NOS1AP: variants seen among roughly 807,000 people sequenced by gnomAD.
NOS1AP encodes the protein carboxyl-terminal PDZ ligand of neuronal nitric oxide synthase protein.
Under a neutral mutation model 56.2 loss-of-function variants are expected in NOS1AP, and 21 were observed. The observed-to-expected ratio is 0.37, with a 90% CI of 0.26 to 0.54. The LOEUF (loss-of-function observed/expected upper bound fraction) is 0.54, where lower values mean the gene tolerates loss of function less well. Among genes scored for constraint, NOS1AP ranks in the 20% least tolerant of loss-of-function variants. NOS1AP has a pLI of 0.84. For synonymous variants in NOS1AP, 270 were observed against 274.6 expected (o/e 0.98, Z 0.17); for missense variants, 522 against 657.8 (o/e 0.79, Z 2.26).
chr1:162,155,968 C>T (rs905746719), intron 2 of NOS1AP, among the ~76,000 whole-genome samples: 2 of 152,126 alleles, frequency 1.3e-5, no homozygotes, highest in African/African-American at 4.8e-5. Context: ...CTTCATTTTG[C>T]TTTGTTAATT....
chr1:162,179,703 T>C (rs553754873), intron 2 of NOS1AP, among the ~76,000 whole-genome samples: 1 of 152,296 alleles, frequency 6.6e-6, no homozygotes, highest in African/African-American at 2.4e-5. Context: ...AGGGAAATCC[T>C]GGACCTAGAG....
At position 162,160,664 on chromosome 1, in the gene NOS1AP, G is replaced by GC. The variant is rs1180141566; in HGVS notation, c.177+6194dup. On this transcript the variant is annotated intron_variant, in intron 2 of 9. Transcript: ENST00000361897. The stretch of plus-strand genomic sequence containing the variant: ...CTTTTTATAACTTTCTCCCTAAGTG[G>GC]CCCCCCTCAGCACCATTTACTCCTT... Among the ~76,000 whole-genome samples, 4 of 151,960 alleles carry GC rather than the reference G, an allele frequency of 2.6e-5. No individual in the cohort carries two copies. In the East Asian group the frequency reaches 7.7e-4, roughly 29 times the overall value.
intron 1 of NOS1AP, among the ~76,000 whole-genome samples, chr1:162,081,769 T>TAG (rs1558090605): frequency 5.0e-4 from 20 of 39,644 alleles, no homozygotes; most frequent in Non-Finnish European, 1.0e-3. Flanking sequence ...TATATATATA[T>TAG]ATATATTTTT....
At chr1:162,122,285 C>T (rs939207778) in intron 1 of NOS1AP, among the ~76,000 whole-genome samples, 1 of 152,154 alleles carries the variant, frequency 6.6e-6, no homozygotes, top group Non-Finnish European at 1.5e-5. Context: ...GTGAAATAAA[C>T]TCTTTGGTGG....
intron 3 of NOS1AP, among the ~76,000 whole-genome samples, chr1:162,295,916 G>A (rs371171137): frequency 3.9e-5 from 6 of 152,250 alleles, no homozygotes; most frequent in East Asian, 3.9e-4. Flanking sequence ...AAAGAGGTGC[G>A]GTGGGGGAGG....
At chr1:162,172,697 GT>G (rs538742170) in intron 2 of NOS1AP, among the ~76,000 whole-genome samples, 12 of 151,922 alleles carry the variant, frequency 7.9e-5, no homozygotes, top group Non-Finnish European at 1.6e-4. Flanking sequence ...GTGAGGAAAG[GT>G]TTTTTTTGTT....
At chr1:162,249,183 G>A (rs557891533) in intron 2 of NOS1AP, among the ~76,000 whole-genome samples, 8 of 152,274 alleles carry the variant, frequency 5.3e-5, no homozygotes, top group Middle Eastern at 3.4e-3. Context: ...ACCAAAGGTG[G>A]GGGATGGTGG....
At chr1:162,219,755 A>G (rs1652708799) in intron 2 of NOS1AP, among the ~76,000 whole-genome samples, 1 of 152,180 alleles carries the variant, frequency 6.6e-6, no homozygotes, top group Non-Finnish European at 1.5e-5. Context: ...TTTAGGCTTT[A>G]TTCTGCAATT....
intron 8 of NOS1AP, among the ~76,000 whole-genome samples, chr1:162,362,390 G>A (rs1283219035): frequency 2.0e-5 from 3 of 150,212 alleles, no homozygotes. Context: ...GGGAGAGGTT[G>A]CAGTGAGCTG....
At chr1:162,252,852 A>C (rs1440038121) in intron 2 of NOS1AP, among the ~76,000 whole-genome samples, 3 of 152,214 alleles carry the variant, frequency 2.0e-5, no homozygotes, top group Non-Finnish European at 4.4e-5. Flanking sequence ...GCCCCATTTC[A>C]AGTGCCCAGA....
At chr1:162,304,122 G>A (rs146337390) in intron 4 of NOS1AP, among the ~76,000 whole-genome samples, 129 of 152,180 alleles carry the variant, frequency 8.5e-4, no homozygotes, top group Admixed American at 1.4e-3. Context: ...TATAATCCAA[G>A]TTGATTCAAT....
chr1:162,086,888 G>T (rs1331398012), intron 1 of NOS1AP, among the ~76,000 whole-genome samples: 4 of 152,102 alleles, frequency 2.6e-5, no homozygotes, highest in Non-Finnish European at 5.9e-5. Context: ...CTTTGTAGTT[G>T]TAGGCATAGG....
chr1:162,240,008 C>T (rs1653434413), intron 2 of NOS1AP, among the ~76,000 whole-genome samples: 1 of 152,208 alleles, frequency 6.6e-6, no homozygotes, highest in South Asian at 2.1e-4. Context: ...TCCAGGCTTC[C>T]CAGTGCCTGG....
chr1:162,098,511 T>TTC (rs1692302086), intron 1 of NOS1AP, among the ~76,000 whole-genome samples: 2 of 150,732 alleles, frequency 1.3e-5, no homozygotes, highest in African/African-American at 2.4e-5. Context: ...TTTTTTTCTC[T>TTC]AACTTTTATT....
intron 6 of NOS1AP, among the ~76,000 whole-genome samples, chr1:162,346,588 A>T (rs1657303729): frequency 1.3e-5 from 2 of 152,248 alleles, no homozygotes; most frequent in African/African-American, 4.8e-5. Flanking sequence ...TCTCCAGAAT[A>T]GTACACAAGA....
chr1:162,253,731 A>G (rs1353488085), intron 2 of NOS1AP, among the ~76,000 whole-genome samples: 1 of 152,248 alleles, frequency 6.6e-6, no homozygotes, highest in Non-Finnish European at 1.5e-5. Flanking sequence ...AGTTTTTTCA[A>G]CATAAGCAGA....
At chr1:162,256,828 T>C (rs918623184) in intron 2 of NOS1AP, among the ~76,000 whole-genome samples, 1 of 152,206 alleles carries the variant, frequency 6.6e-6, no homozygotes, top group Non-Finnish European at 1.5e-5. Flanking sequence ...TTTTTGTTTA[T>C]TTCTGGTCAT....
chr1:162,147,048 G>A lies in NOS1AP; in HGVS notation c.106-7357G>A, dbSNP rs142247191. 2.9e-3 allele frequency among the ~76,000 whole-genome samples: 449 copies of A among 152,258 alleles called. 1 individual carries two copies. The highest frequency in any genetic ancestry group is 0.01 in the African/African-American group (416 of 41,550). ...ATTTATTTTTGATTGATAAATACAA[G>A]GCCGGGCGCGGTGGCTCATGCCTGT... On this transcript the variant is annotated intron_variant, in intron 1 of 9. Coordinates refer to ENST00000361897, the MANE Select transcript of NOS1AP (RefSeq NM_014697.3).
rs115661376 is a variant in NOS1AP, at chr1:162,279,029, A to G, written c.178-8315A>G. On this transcript the variant is annotated intron_variant, in intron 2 of 9. Coordinates refer to ENST00000361897, the MANE Select transcript of NOS1AP (RefSeq NM_014697.3). ...TAGAATTGACCGGAGTAGGGTTTAT[A>G]CTGTTGTATTTTTATCTTGCCATCC... 9.6e-3 allele frequency among the ~76,000 whole-genome samples: 1,459 copies of G among 152,208 alleles called. 24 individuals are homozygous for G. The highest frequency in any genetic ancestry group is 0.033 in the African/African-American group (1,382 of 41,514).
Sources: gnomAD v4.1 joint callset for allele counts (sites outside exome capture counted in the v4.1 genomes callset) on GRCh38, gnomAD v4.1.1 for gene constraint, MANE v1.5 for transcripts, NCBI Gene and HGNC (gene_info 2026-07-23, HGNC 2026-07-21) for gene names.